Variants in MED12L observed in about 807,000 individuals in gnomAD.
MED12L encodes the protein mediator complex subunit 12L, also known as mediator of RNA polymerase II transcription subunit 12-like protein.
A neutral mutation model predicts 281.3 loss-of-function variants in MED12L; 60 were observed. That is an observed-to-expected ratio of 0.21 (90% confidence interval 0.17 to 0.26). The LOEUF is 0.26. Among genes scored for constraint, MED12L ranks in the 10% least tolerant of loss-of-function variants. MED12L has a pLI of 1.00. For synonymous variants in MED12L, 974 were observed against 987.2 expected (o/e 0.99, Z 0.25); for missense variants, 2,146 against 2,680.9 (o/e 0.80, Z 4.41).
At chr3:151,403,026 CT>C (rs35870229) in intron 39 of MED12L, among the ~76,000 whole-genome samples, 56 of 145,444 alleles carry the variant, frequency 3.9e-4, no homozygotes, top group South Asian at 1.3e-3. Flanking sequence ...TTTCTTTTTT[CT>C]TTTTTTTTTT....
At chr3:151,403,527 T>C (rs1280420306) in intron 39 of MED12L, among the ~76,000 whole-genome samples, 1 of 152,238 alleles carries the variant, frequency 6.6e-6, no homozygotes, top group Non-Finnish European at 1.5e-5. Flanking sequence ...CTCTATTTTC[T>C]TTCCAGTATG....
chr3:151,311,845 T>G (rs1747568119), intron 16 of MED12L, among the ~76,000 whole-genome samples: 1 of 152,098 alleles, frequency 6.6e-6, no homozygotes, highest in South Asian at 2.1e-4. Context: ...ACCAACATGG[T>G]GAAACCCTGT....
intron 5 of MED12L, among the ~76,000 whole-genome samples, chr3:151,136,133 C>T (rs1716106632): frequency 6.6e-6 from 1 of 152,190 alleles, no homozygotes; most frequent in Admixed American, 6.5e-5. Context: ...AACCACTATC[C>T]TTATCGCTCC....
chr3:151,434,009 T>C lies in MED12L; in HGVS notation c.*1205T>C, dbSNP rs1361225159. On this transcript the variant is annotated 3_prime_UTR_variant, in exon 45 of 45. Coordinates refer to ENST00000687756, the MANE Select transcript of MED12L (RefSeq NM_001393769.1). Reference sequence around the variant, plus strand: ...AAAAGAAACCAGTAAATTATCAGTTTGTGTAACTTAAGAGTATTCTATATA... The same window carrying C: ...AAAAGAAACCAGTAAATTATCAGTTCGTGTAACTTAAGAGTATTCTATATA... 6.5e-6 allele frequency: 1 copy of C among 152,674 alleles called. No homozygotes were observed. The highest frequency in any genetic ancestry group is 1.5e-5 in the Non-Finnish European group (1 of 68,042). The allele number at this position is 152,674 out of a possible 1,614,324, so 9.5% of individuals were successfully genotyped here.
chr3:151,386,905 C>T (rs1261010471), intron 36 of MED12L, among the ~76,000 whole-genome samples: 6 of 152,046 alleles, frequency 3.9e-5, no homozygotes, highest in Admixed American at 2.6e-4. Context: ...GACGGGGTTT[C>T]ACCATGTTGG....
chr3:151,324,854 C>T (rs1749403707), intron 16 of MED12L, among the ~76,000 whole-genome samples: 1 of 152,200 alleles, frequency 6.6e-6, no homozygotes, highest in South Asian at 2.1e-4. Context: ...TTTCTGGGTG[C>T]TTCAAATGAT....
chr3:151,291,783 T>C (rs1469147361), intron 16 of MED12L, among the ~76,000 whole-genome samples: 1 of 152,196 alleles, frequency 6.6e-6, no homozygotes, highest in Non-Finnish European at 1.5e-5. Context: ...TTGGCCTGGA[T>C]AAATATTTTT....
chr3:151,160,890 C>G (rs575049748), intron 8 of MED12L, among the ~76,000 whole-genome samples: 60 of 152,288 alleles, frequency 3.9e-4, no homozygotes, highest in Middle Eastern at 3.4e-3. Flanking sequence ...TTTAGTTCTT[C>G]GAATGAGTTG....
At chr3:151,357,584 C>T (rs1254353245) in intron 20 of MED12L, among the ~76,000 whole-genome samples, 1 of 152,190 alleles carries the variant, frequency 6.6e-6, no homozygotes, top group Non-Finnish European at 1.5e-5. Flanking sequence ...TCCTTCTTCC[C>T]TTCCTCCTTG....
intron 2 of MED12L, among the ~76,000 whole-genome samples, chr3:151,106,224 C>T (rs529364322): frequency 5.2e-4 from 60 of 115,214 alleles, no homozygotes; most frequent in Non-Finnish European, 1.1e-3. Flanking sequence ...TTCTTTCTTT[C>T]CTTCCTTCCT....
chr3:151,256,849 G>C (rs1477983677), intron 16 of MED12L, among the ~76,000 whole-genome samples: 1 of 138,790 alleles, frequency 7.2e-6, no homozygotes, highest in Non-Finnish European at 1.6e-5. Context: ...AATGACAGAG[G>C]TTTTTTTTTT....
chr3:151,202,371 T>C (rs1461380111), intron 16 of MED12L, among the ~76,000 whole-genome samples: 1 of 152,180 alleles, frequency 6.6e-6, no homozygotes, highest in Non-Finnish European at 1.5e-5. Context: ...TGCCCATTGC[T>C]TAGAAAATAA....
chr3:151,325,666 T>C (rs965645999), intron 16 of MED12L, among the ~76,000 whole-genome samples: 1 of 152,228 alleles, frequency 6.6e-6, no homozygotes, highest in Non-Finnish European at 1.5e-5. Flanking sequence ...TTGAGTGGAA[T>C]ATTATAATGG....
intron 16 of MED12L, among the ~76,000 whole-genome samples, chr3:151,348,639 T>A (rs554464596): frequency 6.6e-6 from 1 of 151,010 alleles, no homozygotes; most frequent in Non-Finnish European, 1.5e-5. Context: ...GGGTGGGGAA[T>A]AGATAGATTG....
At chr3:151,292,070 A>G (rs1744324469) in intron 16 of MED12L, among the ~76,000 whole-genome samples, 1 of 152,222 alleles carries the variant, frequency 6.6e-6, no homozygotes, top group Non-Finnish European at 1.5e-5. Context: ...AAAGGATTAA[A>G]TGAGATATGG....
At chr3:151,323,280 C>T (rs937053093) in intron 16 of MED12L, among the ~76,000 whole-genome samples, 2 of 152,182 alleles carry the variant, frequency 1.3e-5, no homozygotes, top group African/African-American at 4.8e-5. Flanking sequence ...ATTGACCTGG[C>T]CTCACTGGCT....
At chr3:151,196,363 G>GT (rs919180037) in intron 16 of MED12L, among the ~76,000 whole-genome samples, 1 of 151,722 alleles carries the variant, frequency 6.6e-6, no homozygotes, top group African/African-American at 2.4e-5. Context: ...GCTACTGTCT[G>GT]TTTTTTTTCC....
chr3:151,112,651 G>A (rs953104281), intron 2 of MED12L, among the ~76,000 whole-genome samples: 1 of 152,092 alleles, frequency 6.6e-6, no homozygotes, highest in Non-Finnish European at 1.5e-5. Context: ...GCATTATATT[G>A]ATTAAAAAAT....
Position 151,247,746 on chromosome 3 carries a change from A to C in MED12L, c.2250+54080A>C, listed in dbSNP as rs1735932686. Reference sequence around the variant, plus strand: ...CTGCACAATGTGCACATGTACCCTAAAACTTAATGTATAATAAAAAAAAAA... The same window carrying C: ...CTGCACAATGTGCACATGTACCCTACAACTTAATGTATAATAAAAAAAAAA... On this transcript the variant is annotated intron_variant, in intron 16 of 44. Transcript: ENST00000687756. 2.1e-5 allele frequency among the ~76,000 whole-genome samples: 3 copies of C among 141,286 alleles called. No individual in the cohort carries two copies. The Admixed American group carries it at 2.2e-4, about 11-fold the overall frequency. The allele number at this position is 141,286 out of a possible 152,430, so 92.7% of individuals were successfully genotyped here. A position where few individuals can be genotyped will look rare whatever the true frequency, so the allele number is the denominator to read the frequency against.
Sources: gnomAD v4.1 joint callset for allele counts (sites outside exome capture counted in the v4.1 genomes callset) on GRCh38, gnomAD v4.1.1 for gene constraint, MANE v1.5 for transcripts, NCBI Gene and HGNC (gene_info 2026-07-23, HGNC 2026-07-21) for gene names.